RDH13: variants seen among roughly 807,000 people sequenced by gnomAD.
RDH13 encodes retinol dehydrogenase 13.
RDH13 carries 35 observed loss-of-function variants against 28.3 expected under a neutral mutation model. The observed-to-expected ratio is 1.24, with a 90% CI of 0.95 to 1.64. The LOEUF (loss-of-function observed/expected upper bound fraction) is 1.64. Ranked by LOEUF, RDH13 falls within the 40% of genes most tolerant of loss-of-function variation. RDH13 has a pLI of 0.00. For synonymous variants in RDH13, 229 were observed against 198.5 expected (o/e 1.15, Z -1.29); for missense variants, 514 against 446.3 (o/e 1.15, Z -1.37).
chr19:55,051,490 C>G (rs1296507266), intron 3 of RDH13, among the ~76,000 whole-genome samples: 1 of 151,238 alleles, frequency 6.6e-6, no homozygotes, highest in African/African-American at 2.4e-5. Context: ...GTGGTGTGAT[C>G]TTGGCCCATG....
Position 55,045,061 on chromosome 19 carries a change from T to C in RDH13, c.*13A>G. On this transcript the variant is annotated 3_prime_UTR_variant, in exon 7 of 7. Coordinates refer to ENST00000415061, the MANE Select transcript of RDH13 (RefSeq NM_001145971.2). ...TGGAGGCGCCATCCTGGCTTTCAAA[T>C]CTGCTCCAGAGGTTATCTGGGGAGG... The C allele has an allele frequency of 6.4e-7, 1 of 1,555,478 alleles. No individual in the cohort carries two copies. Among genetic ancestry groups the C allele is most frequent in the South Asian group, 1.2e-5 (1 of 84,878 alleles).
downstream of RDH13, chr19:55,042,258 G>A (rs953951956): frequency 3.9e-5 from 6 of 152,316 alleles, no homozygotes; most frequent in Admixed American, 1.3e-4. Context: ...ACGCAATGGG[G>A]TGTTTCTGGA....
chr19:55,063,206 G>T (rs570552284), upstream of RDH13: 335 of 481,558 alleles, frequency 7.0e-4, 1 homozygote, highest in Non-Finnish European at 1.1e-3. Context: ...GCGGGCGGAG[G>T]GGGCGGGGAT....
In RDH13 at chr19:55,044,743, C is replaced by G. The variant is rs541018681; in HGVS notation, c.*331G>C. On this transcript the variant is annotated 3_prime_UTR_variant, in exon 7 of 7. Coordinates refer to ENST00000415061, the MANE Select transcript of RDH13 (RefSeq NM_001145971.2). The stretch of plus-strand genomic sequence containing the variant: ...TCACGGAGCACCTTGGAACCCTCCC[C>G]GACAGGCACCGCTGGCTCTCCTGAC... The G allele has an allele frequency of 8.4e-6, 3 of 357,018 alleles. No individual in the cohort carries two copies. Among genetic ancestry groups the G allele is most frequent in the Non-Finnish European group, 1.5e-5 (3 of 198,662 alleles). 22.1% of individuals were successfully genotyped at this position (357,018 alleles called of 1,614,324 possible). A position where few individuals can be genotyped will look rare whatever the true frequency, so the allele number is the denominator to read the frequency against.
At chr19:55,040,460 C>T (rs996035594), downstream of RDH13, 1 of 152,214 alleles carries the variant, frequency 6.6e-6, no homozygotes, top group Non-Finnish European at 1.5e-5. Context: ...GTGCCGTTGA[C>T]TTGTATGTGC....
chr19:55,048,379 C>T lies in RDH13; in HGVS notation c.608G>A (p.Ser203Asn). 6.2e-7 allele frequency: 1 copy of T among 1,614,192 alleles called. No homozygotes were observed. The highest frequency in any genetic ancestry group is 8.5e-7 in the Non-Finnish European group (1 of 1,180,048). Residue 203 changes from serine to asparagine, a missense_variant, in exon 5 of 7, where the codon AGC becomes AAC. By Grantham distance (46) the Ser-to-Asn change is conservative. Coordinates refer to ENST00000415061, the MANE Select transcript of RDH13 (RefSeq NM_001145971.2). ...KYNTKAAYCQ[S>N]KLAIVLFTKE... ...GGTGAAGAGGACGATGGCGAGCTTG[C>T]TCTGGCAGTAGGCGGCTTTGGTGTT...
At chr19:55,067,877 TCTCTCTCTCC>T (rs1054177560), upstream of RDH13, among the ~76,000 whole-genome samples, 172 of 64,008 alleles carry the variant, frequency 2.7e-3, no homozygotes, top group African/African-American at 0.01. Context: ...CTCTCTCTCA[TCTCTCTCTCC>T]CTCTTTCTCT....
At chr19:55,061,350 C>A (rs1205367467) in intron 1 of RDH13, among the ~76,000 whole-genome samples, 1 of 151,656 alleles carries the variant, frequency 6.6e-6, no homozygotes, top group Non-Finnish European at 1.5e-5. Flanking sequence ...AGGCTGGTCT[C>A]GAACTCCTGA....
intron 3 of RDH13, among the ~76,000 whole-genome samples, chr19:55,051,543 G>A (rs1296605494): frequency 6.6e-6 from 1 of 150,884 alleles, no homozygotes; most frequent in Non-Finnish European, 1.5e-5. Context: ...CGATTCTGCT[G>A]CCTCAGCCTC....
At chr19:55,049,551 A>T (rs1329862506) in intron 3 of RDH13, among the ~76,000 whole-genome samples, 1 of 152,122 alleles carries the variant, frequency 6.6e-6, no homozygotes, top group Non-Finnish European at 1.5e-5. Flanking sequence ...GCACTTTGGG[A>T]GGCCGAGGTG....
Position 55,048,154 on chromosome 19 carries a change from T to C in RDH13, c.658+175A>G, listed in dbSNP as rs549991407. The C allele has an allele frequency of 2.6e-6, 4 of 1,534,210 alleles. No individual in the cohort carries two copies. In the East Asian group the frequency reaches 7.3e-5, roughly 28 times the overall value. ...GAACAGACAATCCTCAGAAGAACGA[T>C]CGATTAGTGATGTCTGCTTCAGGCA... On this transcript the variant is annotated intron_variant, in intron 5 of 6. Coordinates refer to ENST00000415061, the MANE Select transcript of RDH13 (RefSeq NM_001145971.2).
chr19:55,061,329 C>G (rs2075800662), intron 1 of RDH13, among the ~76,000 whole-genome samples: 1 of 151,960 alleles, frequency 6.6e-6, no homozygotes, highest in South Asian at 2.1e-4. Context: ...CAGAGTTTTA[C>G]CACGTTGGTC....
upstream of RDH13, among the ~76,000 whole-genome samples, chr19:55,066,645 CTCTT>C (rs1056950037): frequency 2.4e-5 from 3 of 126,270 alleles, no homozygotes; most frequent in Admixed American, 1.6e-4. Flanking sequence ...CTCTCTCTCC[CTCTT>C]TCTCTTTCTC....
At chr19:55,044,009 C>T (rs910157762), downstream of RDH13, 2 of 151,918 alleles carry the variant, frequency 1.3e-5, no homozygotes, top group East Asian at 1.9e-4. Flanking sequence ...CTCCGCCTCC[C>T]AGCTTCACAC....
chr19:55,040,121 A>C (rs1187901519), downstream of RDH13, among the ~76,000 whole-genome samples: 5 of 152,200 alleles, frequency 3.3e-5, no homozygotes, highest in East Asian at 9.6e-4. Flanking sequence ...GTTACACAAC[A>C]CTGTAAATGT....
intron 3 of RDH13, among the ~76,000 whole-genome samples, chr19:55,050,163 C>T (rs1227344430): frequency 6.6e-6 from 1 of 150,754 alleles, no homozygotes; most frequent in Non-Finnish European, 1.5e-5. Flanking sequence ...GTCACCCAGG[C>T]TGGAGTGCAA....
At chr19:55,057,082 T>C (rs2075662597) in intron 2 of RDH13, among the ~76,000 whole-genome samples, 1 of 152,110 alleles carries the variant, frequency 6.6e-6, no homozygotes, top group Non-Finnish European at 1.5e-5. Context: ...TCAGAAACAC[T>C]GTGCTCGGGG....
At chr19:55,064,611 G>GT (rs766369728), upstream of RDH13, among the ~76,000 whole-genome samples, 29 of 150,722 alleles carry the variant, frequency 1.9e-4, no homozygotes, top group Non-Finnish European at 4.0e-4. Context: ...TTGTTTGTTT[G>GT]TTTGTTTTGT....
exon 3 of RDH13, chr19:55,039,166 G>A (rs1181790118): frequency 1.3e-5 from 2 of 152,184 alleles, no homozygotes; most frequent in Non-Finnish European, 2.9e-5. Flanking sequence ...CCACCCACAT[G>A]TCCATCAACA....
Sources: gnomAD v4.1 joint callset for allele counts (sites outside exome capture counted in the v4.1 genomes callset) on GRCh38, gnomAD v4.1.1 for gene constraint, MANE v1.5 for transcripts, NCBI Gene and HGNC (gene_info 2026-07-23, HGNC 2026-07-21) for gene names.